The following DCSTAMP variants were observed in gnomAD, a reference collection of about 807,000 sequenced individuals.
The protein encoded by DCSTAMP is dendritic cell-specific transmembrane protein.
DCSTAMP carries 25 observed loss-of-function variants against 33.8 expected under a neutral mutation model. The ratio of observed to expected loss-of-function variants is 0.74; its 90% confidence interval spans 0.54 to 1.03. The LOEUF is 1.03. Among genes scored for constraint, DCSTAMP ranks in the 50% least tolerant of loss-of-function variants. The probability of loss-of-function intolerance (pLI) is 0.00; values close to 1 mark genes in which losing one functional copy is unlikely to be tolerated. For synonymous variants in DCSTAMP, 245 were observed against 216.7 expected (o/e 1.13, Z -1.15); for missense variants, 531 against 556.8 (o/e 0.95, Z 0.47).
At chr8:104,351,785 G>A (rs959946630) in intron 2 of DCSTAMP, among the ~76,000 whole-genome samples, 6 of 152,086 alleles carry the variant, frequency 3.9e-5, no homozygotes, top group East Asian at 1.9e-4. Flanking sequence ...AGGACAACTC[G>A]AGGTTTTTTT....
chr8:104,354,202 CCTT>C (rs1370133312), intron 2 of DCSTAMP, among the ~76,000 whole-genome samples: 34 of 152,252 alleles, frequency 2.2e-4, no homozygotes, highest in African/African-American at 8.2e-4. Flanking sequence ...TTCAGAGTCT[CCTT>C]CAATAATGTG....
chr8:104,347,300 G>C (rs979188709), intron 1 of DCSTAMP, among the ~76,000 whole-genome samples: 7 of 152,096 alleles, frequency 4.6e-5, no homozygotes, highest in African/African-American at 1.7e-4. Flanking sequence ...GTTCTTGGAG[G>C]GCAGGGGCAT....
chr8:104,350,064 A>C (rs2140474683), intron 2 of DCSTAMP, among the ~76,000 whole-genome samples: 1 of 152,252 alleles, frequency 6.6e-6, no homozygotes. Flanking sequence ...AATCTGTATG[A>C]CTGTATTAGG....
In DCSTAMP at chr8:104,356,277, A is replaced by C; in HGVS notation, c.*79A>C. On this transcript the variant is annotated 3_prime_UTR_variant, in exon 4 of 4. Coordinates refer to ENST00000297581, the MANE Select transcript of DCSTAMP (RefSeq NM_030788.4). ...GGATGGCAGTCACTATTCATGCCGG[A>C]TAATAGAGAACTATGTGACGCAGTC... 1.4e-6 allele frequency: 2 copies of C among 1,407,932 alleles called. No homozygotes were observed. Among genetic ancestry groups the C allele is most frequent in the Non-Finnish European group, 1.9e-6 (2 of 1,031,718 alleles). The allele number at this position is 1,407,932 out of a possible 1,614,324, so 87.2% of individuals were successfully genotyped here.
At chr8:104,354,194 C>G (rs1810547292) in intron 2 of DCSTAMP, among the ~76,000 whole-genome samples, 1 of 152,148 alleles carries the variant, frequency 6.6e-6, no homozygotes, top group Non-Finnish European at 1.5e-5. Context: ...AACATGATTT[C>G]AGAGTCTCCT....
At chr8:104,352,167 A>G (rs1381433243) in intron 2 of DCSTAMP, among the ~76,000 whole-genome samples, 1 of 152,010 alleles carries the variant, frequency 6.6e-6, no homozygotes, top group Non-Finnish European at 1.5e-5. Context: ...TTTCTCTCTC[A>G]GGGCCTTAAA....
At chr8:104,355,891 G>A (rs1802778306) in intron 3 of DCSTAMP, among the ~76,000 whole-genome samples, 1 of 152,220 alleles carries the variant, frequency 6.6e-6, no homozygotes. Context: ...TCATGTGCAT[G>A]TCATGGACAA....
chr8:104,346,180 G>C (rs1350007997), intron 1 of DCSTAMP, among the ~76,000 whole-genome samples: 1 of 152,270 alleles, frequency 6.6e-6, no homozygotes, highest in African/African-American at 2.4e-5. Flanking sequence ...CACGGTTAGA[G>C]AGATGCTTTA....
In DCSTAMP at chr8:104,354,515, C is replaced by T. The variant is rs1276113617; in HGVS notation, c.1030-362C>T. On this transcript the variant is annotated intron_variant, in intron 2 of 3. Transcript: ENST00000297581. ...TATGTGATCAAATTTGTTAGGAAAA[C>T]TGCTGCTAAAATTAAAAGATTCCTC... Among the ~76,000 whole-genome samples, 3 of 152,170 alleles carry T rather than the reference C, an allele frequency of 2.0e-5. 1 individual carries two copies. The highest frequency in any genetic ancestry group is 7.2e-5 in the African/African-American group (3 of 41,436).
rs377512906 is a variant in DCSTAMP at position 104,348,272 on chromosome 8, G to A, written c.-12-269G>A. Among the ~76,000 whole-genome samples the A allele has an allele frequency of 4.4e-4, 67 of 152,290 alleles. No homozygotes were observed. In the South Asian group the frequency reaches 8.5e-3, roughly 19 times the overall value. On this transcript the variant is annotated intron_variant, in intron 1 of 3. Transcript: ENST00000297581. ...GTGAGAGCACGTGGAGCGAGTCCCA[G>A]GCCCAGGATTGTCACTGTCATTTCT...
intron 2 of DCSTAMP, among the ~76,000 whole-genome samples, chr8:104,351,367 G>T (rs551692924): frequency 1.3e-5 from 2 of 152,316 alleles, no homozygotes; most frequent in African/African-American, 4.8e-5. Context: ...ACTAGCCCAG[G>T]CTGGCAAAAA....
At chr8:104,351,689 T>C (rs556877917) in intron 2 of DCSTAMP, among the ~76,000 whole-genome samples, 4 of 151,422 alleles carry the variant, frequency 2.6e-5, no homozygotes, top group South Asian at 4.5e-4. Flanking sequence ...TTCTGGGTTA[T>C]TGCCATGGCC....
intron 1 of DCSTAMP, among the ~76,000 whole-genome samples, chr8:104,346,023 G>C (rs982934529): frequency 1.3e-5 from 2 of 152,214 alleles, no homozygotes; most frequent in African/African-American, 2.4e-5. Context: ...GCATGGTACA[G>C]ATGACAGGGC....
chr8:104,347,908 C>G (rs1316851192), intron 1 of DCSTAMP, among the ~76,000 whole-genome samples: 2 of 152,120 alleles, frequency 1.3e-5, no homozygotes, highest in East Asian at 1.9e-4. Context: ...AGCGTATTCA[C>G]AAGGGCTCTT....
chr8:104,348,621 C>T lies in DCSTAMP; in HGVS notation c.69C>T (p.Ser23=), dbSNP rs1298333125. 3 of 1,614,022 alleles carry T rather than the reference C, an allele frequency of 1.9e-6. No individual in the cohort carries two copies. The highest frequency in any genetic ancestry group is 2.7e-5 in the African/African-American group (2 of 74,892). Residue 23 remains serine, a synonymous_variant, in exon 2 of 4, where the codon AGC becomes AGT. Coordinates refer to ENST00000297581, the MANE Select transcript of DCSTAMP (RefSeq NM_030788.4). ...SLWEIYVSPR[S]PGWMDFIQHL... ...GGGAGATTTACGTGTCTCCAAGAAG[C>T]CCCGGATGGATGGACTTTATCCAGC...
At chr8:104,353,632 C>T (rs1387279909) in intron 2 of DCSTAMP, among the ~76,000 whole-genome samples, 9 of 152,230 alleles carry the variant, frequency 5.9e-5, no homozygotes. Context: ...TTTTTCGTTG[C>T]TTCGGCACAG....
chr8:104,350,296 C>T (rs1032820641), intron 2 of DCSTAMP, among the ~76,000 whole-genome samples: 4 of 152,148 alleles, frequency 2.6e-5, no homozygotes, highest in South Asian at 4.1e-4. Context: ...CAGGACTATC[C>T]GGCGTGAACC....
At chr8:104,352,027 C>T (rs1308084612) in intron 2 of DCSTAMP, among the ~76,000 whole-genome samples, 2 of 152,156 alleles carry the variant, frequency 1.3e-5, no homozygotes, top group East Asian at 3.9e-4. Flanking sequence ...GCTGTTTCCA[C>T]GGGTCTGATT....
rs761284595 is a variant in DCSTAMP at position 104,348,603 on chromosome 8, T to C, written c.51T>C (p.Ile17=). 10 of 1,614,072 alleles carry C rather than the reference T, an allele frequency of 6.2e-6. No individual in the cohort carries two copies. The East Asian group carries it at 2.2e-4, about 36-fold the overall frequency. Residue 17 remains isoleucine (I), a synonymous_variant, in exon 2 of 4, where the codon ATT becomes ATC. Coordinates refer to ENST00000297581, the MANE Select transcript of DCSTAMP (RefSeq NM_030788.4). ...GTDIFLSLWE[I]YVSPRSPGWM... ...ATATCTTCCTAAGTCTTTGGGAGAT[T>C]TACGTGTCTCCAAGAAGCCCCGGAT...
Sources: allele counts gnomAD v4.1 joint callset (sites outside exome capture counted in the v4.1 genomes callset), GRCh38; gene constraint gnomAD v4.1.1; transcripts MANE v1.5; gene names NCBI Gene and HGNC (gene_info 2026-07-23, HGNC 2026-07-21).